The following BTBD9 variants were observed in gnomAD, a reference collection of about 807,000 sequenced individuals.
BTBD9 encodes the protein BTB/POZ domain-containing protein 9.
Under a neutral mutation model 64.3 loss-of-function variants are expected in BTBD9, and 49 were observed. The observed-to-expected ratio is 0.76, with a 90% confidence interval of 0.61 to 0.97. The LOEUF is 0.97. Among genes scored for constraint, BTBD9 ranks in the 50% least tolerant of loss-of-function variants. BTBD9 has a pLI of 0.00. For synonymous variants in BTBD9, 260 were observed against 274.7 expected (o/e 0.95, Z 0.53); for missense variants, 598 against 762.1 (o/e 0.78, Z 2.53).
At chr6:38,198,629 T>C (rs2127490611) in intron 9 of BTBD9, among the ~76,000 whole-genome samples, 1 of 152,224 alleles carries the variant, frequency 6.6e-6, no homozygotes, top group Admixed American at 6.5e-5. Context: ...AGAAAGCACA[T>C]ATCAGAACTT....
chr6:38,425,343 A>G (rs1768098185), intron 6 of BTBD9, among the ~76,000 whole-genome samples: 2 of 151,788 alleles, frequency 1.3e-5, no homozygotes, highest in Non-Finnish European at 2.9e-5. Flanking sequence ...TGACCTCGTC[A>G]TCTGCCTGCC....
intron 6 of BTBD9, among the ~76,000 whole-genome samples, chr6:38,538,751 G>C (rs55869483): frequency 0.19 from 28,782 of 151,700 alleles, 3,469 homozygotes; most frequent in Non-Finnish European, 0.29. Context: ...GGGACTACAG[G>C]CATGTGCCAC....
At chr6:38,275,897 G>A (rs1334571254) in intron 8 of BTBD9, among the ~76,000 whole-genome samples, 2 of 151,932 alleles carry the variant, frequency 1.3e-5, no homozygotes, top group South Asian at 2.1e-4. Context: ...TACACTGTTG[G>A]TGGGACTGTA....
chr6:38,458,646 A>G (rs2127348772), intron 6 of BTBD9, among the ~76,000 whole-genome samples: 1 of 152,362 alleles, frequency 6.6e-6, no homozygotes, highest in East Asian at 1.9e-4. Context: ...ACATCATTCT[A>G]GCAGTTTTCA....
intron 7 of BTBD9, among the ~76,000 whole-genome samples, chr6:38,321,986 C>T (rs550389948): frequency 1.7e-3 from 251 of 151,786 alleles, no homozygotes; most frequent in Middle Eastern, 6.8e-3. Context: ...CTTGACATTT[C>T]CTAAAAAGAG....
chr6:38,524,482 T>C (rs923966519), intron 6 of BTBD9, among the ~76,000 whole-genome samples: 2 of 152,180 alleles, frequency 1.3e-5, no homozygotes, highest in Admixed American at 1.3e-4. Context: ...ATTAAATCAA[T>C]GTTTATTTAA....
chr6:38,259,914 T>C (rs1214129840), intron 8 of BTBD9, among the ~76,000 whole-genome samples: 5 of 152,216 alleles, frequency 3.3e-5, no homozygotes, highest in Admixed American at 1.3e-4. Flanking sequence ...TGTTCTTAAG[T>C]GGCCCAAAAT....
At chr6:38,428,966 C>A (rs1417157622) in intron 6 of BTBD9, among the ~76,000 whole-genome samples, 1 of 151,578 alleles carries the variant, frequency 6.6e-6, no homozygotes, top group African/African-American at 2.4e-5. Flanking sequence ...GCCTTGGCTT[C>A]CCAAAGTGCT....
intron 8 of BTBD9, among the ~76,000 whole-genome samples, chr6:38,271,816 C>G (rs16890537): frequency 0.029 from 4,349 of 152,198 alleles, 193 homozygotes; most frequent in African/African-American, 0.098. Flanking sequence ...TCTGTTGTTT[C>G]AAGAGATTTT....
chr6:38,390,501 C>G (rs1482288356), intron 6 of BTBD9, among the ~76,000 whole-genome samples: 2 of 152,186 alleles, frequency 1.3e-5, no homozygotes, highest in African/African-American at 4.8e-5. Context: ...AGAGAGCATT[C>G]TGAAGAAACA....
intron 1 of BTBD9, among the ~76,000 whole-genome samples, chr6:38,633,368 A>G (rs1324133228): frequency 1.3e-5 from 2 of 152,242 alleles, no homozygotes; most frequent in African/African-American, 4.8e-5. Flanking sequence ...CAGTTACCTT[A>G]TTAGTAAAAT....
At chr6:38,489,384 T>C (rs1221975897) in intron 6 of BTBD9, among the ~76,000 whole-genome samples, 2 of 152,172 alleles carry the variant, frequency 1.3e-5, no homozygotes, top group African/African-American at 4.8e-5. Context: ...GGAGGATCAC[T>C]TGAGCCCAGG....
intron 6 of BTBD9, among the ~76,000 whole-genome samples, chr6:38,411,805 C>T (rs1167304160): frequency 1.3e-5 from 2 of 151,854 alleles, no homozygotes; most frequent in African/African-American, 2.4e-5. Context: ...GACACGGTGG[C>T]GTGCACCTGT....
At chr6:38,598,775 G>A (rs1777149000) in intron 1 of BTBD9, among the ~76,000 whole-genome samples, 1 of 152,010 alleles carries the variant, frequency 6.6e-6, no homozygotes, top group Admixed American at 6.6e-5. Context: ...AAATTAGCTG[G>A]GCCTGGTGGC....
At chr6:38,576,548 A>C (rs532806045) in intron 6 of BTBD9, among the ~76,000 whole-genome samples, 17 of 152,196 alleles carry the variant, frequency 1.1e-4, no homozygotes, top group Admixed American at 4.6e-4. Context: ...CTGTTAGACC[A>C]TAAGTTTCAC....
At chr6:38,606,358 TA>T (rs1321921132) in intron 1 of BTBD9, among the ~76,000 whole-genome samples, 3 of 151,798 alleles carry the variant, frequency 2.0e-5, no homozygotes, top group Non-Finnish European at 4.4e-5. Flanking sequence ...TCTTAAAAAA[TA>T]AAAAAGGTTC....
At chr6:38,207,981 AT>A (rs933662684) in intron 9 of BTBD9, among the ~76,000 whole-genome samples, 8 of 151,890 alleles carry the variant, frequency 5.3e-5, no homozygotes, top group African/African-American at 1.9e-4. Context: ...AACTTTGATA[AT>A]TTTTTTTAAT....
intron 9 of BTBD9, among the ~76,000 whole-genome samples, chr6:38,251,594 A>G (rs1284839430): frequency 1.3e-5 from 2 of 152,030 alleles, no homozygotes; most frequent in East Asian, 3.9e-4. Context: ...AGTTTTTAAA[A>G]CTTCTCAACT....
chr6:38,342,685 A>C (rs2127588692), intron 7 of BTBD9, among the ~76,000 whole-genome samples: 1 of 152,266 alleles, frequency 6.6e-6, no homozygotes, highest in Middle Eastern at 3.4e-3. Flanking sequence ...GATATAAGAA[A>C]GTGTAAGAAG....
Sources: gnomAD v4.1 joint callset for allele counts (sites outside exome capture counted in the v4.1 genomes callset) on GRCh38, gnomAD v4.1.1 for gene constraint, MANE v1.5 for transcripts, NCBI Gene and HGNC (gene_info 2026-07-23, HGNC 2026-07-21) for gene names.